The following NKAIN3 variants were observed in gnomAD, a reference collection of about 807,000 sequenced individuals.
NKAIN3 encodes the protein sodium/potassium transporting ATPase interacting 3.
NKAIN3 carries 25 observed loss-of-function variants against 30.2 expected under a neutral mutation model. The observed-to-expected ratio is 0.83, with a 90% CI of 0.60 to 1.16. The LOEUF is 1.16. NKAIN3 is among the 50% of genes most tolerant of loss of function. The pLI is 0.00. For synonymous variants in NKAIN3, 91 were observed against 89.6 expected (o/e 1.02, Z -0.09); for missense variants, 225 against 254.1 (o/e 0.89, Z 0.78).
At chr8:62,872,866 C>T (rs1820688646) in intron 4 of NKAIN3, among the ~76,000 whole-genome samples, 1 of 152,094 alleles carries the variant, frequency 6.6e-6, no homozygotes, top group Non-Finnish European at 1.5e-5. Flanking sequence ...CCTGAAAGCA[C>T]TAAATACGGA....
At chr8:62,433,917 T>G (rs2129597719) in intron 1 of NKAIN3, among the ~76,000 whole-genome samples, 1 of 152,262 alleles carries the variant, frequency 6.6e-6, no homozygotes, top group South Asian at 2.1e-4. Context: ...CTTTTGTTCC[T>G]TTGATTTTCA....
intron 1 of NKAIN3, among the ~76,000 whole-genome samples, chr8:62,442,835 C>G (rs1407779591): frequency 6.6e-6 from 1 of 151,866 alleles, no homozygotes; most frequent in Non-Finnish European, 1.5e-5. Flanking sequence ...CATTTTGACC[C>G]AAGTTCATCT....
At chr8:62,656,706 G>A (rs1202027823) in intron 3 of NKAIN3, among the ~76,000 whole-genome samples, 2 of 152,222 alleles carry the variant, frequency 1.3e-5, no homozygotes, top group Non-Finnish European at 2.9e-5. Flanking sequence ...AAAATGTCTA[G>A]TCACAACCAC....
chr8:62,811,064 C>T (rs1293297006), intron 4 of NKAIN3, among the ~76,000 whole-genome samples: 2 of 152,022 alleles, frequency 1.3e-5, no homozygotes, highest in Non-Finnish European at 2.9e-5. Context: ...CTTCCCAACC[C>T]CACCCTTGAT....
intron 1 of NKAIN3, among the ~76,000 whole-genome samples, chr8:62,260,571 A>G (rs1297414323): frequency 6.6e-6 from 1 of 152,056 alleles, no homozygotes; most frequent in Non-Finnish European, 1.5e-5. Flanking sequence ...TGAATCTTAA[A>G]TGTCTCTGAG....
chr8:62,744,551 A>G (rs934929350), intron 3 of NKAIN3, among the ~76,000 whole-genome samples: 1 of 152,230 alleles, frequency 6.6e-6, no homozygotes, highest in Non-Finnish European at 1.5e-5. Flanking sequence ...ATGAATTTTG[A>G]GATCATGCTA....
chr8:62,880,214 A>C (rs2130812500), intron 4 of NKAIN3, among the ~76,000 whole-genome samples: 1 of 152,322 alleles, frequency 6.6e-6, no homozygotes, highest in South Asian at 2.1e-4. Flanking sequence ...AACTTGGCCA[A>C]GGAAACACAT....
intron 1 of NKAIN3, among the ~76,000 whole-genome samples, chr8:62,550,412 C>T (rs575278746): frequency 7.2e-5 from 11 of 152,238 alleles, no homozygotes; most frequent in Non-Finnish European, 1.5e-4. Flanking sequence ...TGCGCGTGTG[C>T]GCGTGTGTGT....
intron 4 of NKAIN3, among the ~76,000 whole-genome samples, chr8:62,878,040 C>CA (rs34421488): frequency 0.31 from 35,578 of 113,570 alleles, 6,464 homozygotes; most frequent in Non-Finnish European, 0.42. Flanking sequence ...AACTCCATCT[C>CA]AAAAAAAAAA....
intron 1 of NKAIN3, among the ~76,000 whole-genome samples, chr8:62,296,490 C>T (rs146688649): frequency 1.4e-3 from 215 of 152,194 alleles, no homozygotes; most frequent in African/African-American, 4.9e-3. Context: ...AATCTTTGAA[C>T]ACACCATCTC....
chr8:62,420,373 A>T (rs78394839), intron 1 of NKAIN3, among the ~76,000 whole-genome samples: 16,588 of 152,178 alleles, frequency 0.11, 1,333 homozygotes, highest in African/African-American at 0.22. Context: ...CCAATTACAT[A>T]GTCAATTAGT....
chr8:62,967,021 C>G lies in NKAIN3; in HGVS notation c.*1614C>G, dbSNP rs1480970630. ...GAGCCATTTGGAGACCTAATTTACT[C>G]ACTAGCCTCCAGATTTTACCCCTTT... On this transcript the variant is annotated 3_prime_UTR_variant, in exon 7 of 7. Transcript: ENST00000623646. 5.3e-5 allele frequency among the ~76,000 whole-genome samples: 8 copies of G among 152,206 alleles called. No individual in the cohort carries two copies. Among genetic ancestry groups the G allele is most frequent in the Non-Finnish European group, 1.0e-4 (7 of 68,032 alleles).
chr8:62,401,961 T>A (rs139239763), intron 1 of NKAIN3, among the ~76,000 whole-genome samples: 194 of 152,336 alleles, frequency 1.3e-3, no homozygotes, highest in African/African-American at 4.6e-3. Flanking sequence ...TTCTAGAATC[T>A]GCTGGTGGTG....
intron 3 of NKAIN3, among the ~76,000 whole-genome samples, chr8:62,736,296 A>C (rs796721152): frequency 5.3e-5 from 8 of 152,250 alleles, no homozygotes; most frequent in African/African-American, 1.9e-4. Flanking sequence ...AAAGACCTTC[A>C]GATAGGGAGC....
intron 1 of NKAIN3, among the ~76,000 whole-genome samples, chr8:62,562,053 C>G (rs899641844): frequency 1.3e-5 from 2 of 152,134 alleles, no homozygotes; most frequent in Non-Finnish European, 2.9e-5. Context: ...CTCCATATGA[C>G]CACCTGCATC....
intron 5 of NKAIN3, among the ~76,000 whole-genome samples, chr8:62,935,494 T>G (rs1042176511): frequency 3.7e-4 from 56 of 152,024 alleles, no homozygotes; most frequent in Admixed American, 3.4e-3. Context: ...TTTTCCCAAC[T>G]CACATAGCGT....
At chr8:62,426,115 C>A (rs1448744190) in intron 1 of NKAIN3, among the ~76,000 whole-genome samples, 1 of 151,818 alleles carries the variant, frequency 6.6e-6, no homozygotes, top group Non-Finnish European at 1.5e-5. Flanking sequence ...CTGGAAATGT[C>A]AAGTCAATAG....
At chr8:62,862,121 A>C (rs1198250403) in intron 4 of NKAIN3, among the ~76,000 whole-genome samples, 3 of 152,202 alleles carry the variant, frequency 2.0e-5, no homozygotes, top group Admixed American at 2.0e-4. Context: ...TATAAAAACA[A>C]TATTAATAAA....
rs1379113998 is a variant in NKAIN3 at position 62,939,049 on chromosome 8, A to G, written c.533-14853A>G. ...AATCTCCAGAGAAATAGAAAGCACAAATTTTAAAACAATCACAATTTCTGG... is the reference window on the plus strand; with the variant it reads ...AATCTCCAGAGAAATAGAAAGCACAGATTTTAAAACAATCACAATTTCTGG... On this transcript the variant is annotated intron_variant, in intron 5 of 6. Coordinates refer to ENST00000623646, the MANE Select transcript of NKAIN3 (RefSeq NM_001304533.3). 3.3e-5 allele frequency among the ~76,000 whole-genome samples: 5 copies of G among 152,314 alleles called. No homozygotes were observed. The East Asian group carries it at 9.6e-4, about 29-fold the overall frequency.
Sources: gnomAD v4.1 joint callset for allele counts (sites outside exome capture counted in the v4.1 genomes callset) on GRCh38, gnomAD v4.1.1 for gene constraint, MANE v1.5 for transcripts, NCBI Gene and HGNC (gene_info 2026-07-23, HGNC 2026-07-21) for gene names.